Variants in XKR4 observed in about 807,000 individuals in gnomAD.
The protein encoded by XKR4 is XK-related protein 4.
In XKR4, 12 loss-of-function variants were observed where a neutral mutation model predicts 53.9. The ratio of observed to expected loss-of-function variants is 0.22; its 90% CI spans 0.14 to 0.36. The LOEUF (loss-of-function observed/expected upper bound fraction) is 0.36. Among genes scored for constraint, XKR4 ranks in the 10% least tolerant of loss-of-function variants. The probability of loss-of-function intolerance (pLI) is 1.00; values close to 1 mark genes in which losing one functional copy is unlikely to be tolerated. For synonymous variants in XKR4, 354 were observed against 362.4 expected, an observed-to-expected ratio of 0.98 and a Z score of 0.26; for missense variants, 799 against 859.5, an observed-to-expected ratio of 0.93 and a Z score of 0.88.
intron 1 of XKR4, among the ~76,000 whole-genome samples, chr8:55,231,038 C>T (rs1818032577): frequency 6.6e-6 from 1 of 152,294 alleles, no homozygotes; most frequent in African/African-American, 2.4e-5. Flanking sequence ...TGGGCCTTTC[C>T]TTCCTGCTCT....
At chr8:55,519,031 G>T (rs763395747) in intron 2 of XKR4, among the ~76,000 whole-genome samples, 22 of 152,120 alleles carry the variant, frequency 1.4e-4, no homozygotes, top group Non-Finnish European at 2.5e-4. Context: ...AACTGTTAGC[G>T]CCCTTGTTTA....
intron 1 of XKR4, among the ~76,000 whole-genome samples, chr8:55,264,551 A>G (rs1818571977): frequency 1.3e-5 from 2 of 152,202 alleles, no homozygotes; most frequent in Non-Finnish European, 2.9e-5. Context: ...CTCCAGATAA[A>G]CTGGTAAAGT....
chr8:55,510,111 A>G (rs1806604591), intron 2 of XKR4, among the ~76,000 whole-genome samples: 1 of 152,060 alleles, frequency 6.6e-6, no homozygotes, highest in Non-Finnish European at 1.5e-5. Context: ...CAGGGGCAGG[A>G]GAGACACCCA....
At chr8:55,112,746 G>A (rs1374509929) in intron 1 of XKR4, among the ~76,000 whole-genome samples, 1 of 151,632 alleles carries the variant, frequency 6.6e-6, no homozygotes, top group East Asian at 1.9e-4. Context: ...GGCAAGGAAA[G>A]GATTTGTAAA....
At chr8:55,214,430 T>G (rs975828317) in intron 1 of XKR4, among the ~76,000 whole-genome samples, 1 of 152,166 alleles carries the variant, frequency 6.6e-6, no homozygotes, top group Admixed American at 6.5e-5. Context: ...AATTCTTAGC[T>G]CAATACCCTA....
At chr8:55,359,231 G>A (rs1049267670) in intron 2 of XKR4, among the ~76,000 whole-genome samples, 2 of 152,214 alleles carry the variant, frequency 1.3e-5, no homozygotes, top group African/African-American at 4.8e-5. Context: ...TGCGTCTGGT[G>A]GTTGAAGACC....
intron 2 of XKR4, among the ~76,000 whole-genome samples, chr8:55,385,655 T>G (rs1170547507): frequency 6.6e-6 from 1 of 152,242 alleles, no homozygotes. Context: ...AGAAAATTGC[T>G]TTGAAATATC....
chr8:55,463,412 G>T (rs1340275551), intron 2 of XKR4, among the ~76,000 whole-genome samples: 1 of 151,306 alleles, frequency 6.6e-6, no homozygotes, highest in Non-Finnish European at 1.5e-5. Context: ...AAATAAAGAT[G>T]TTCTTTGAAA....
intron 1 of XKR4, among the ~76,000 whole-genome samples, chr8:55,313,504 G>T (rs1819415649): frequency 6.6e-6 from 1 of 152,310 alleles, no homozygotes; most frequent in Admixed American, 6.5e-5. Flanking sequence ...GCGGCAGCAT[G>T]CATGGTCTTT....
intron 1 of XKR4, among the ~76,000 whole-genome samples, chr8:55,127,155 G>C (rs116466721): frequency 0.017 from 2,522 of 151,946 alleles, 62 homozygotes; most frequent in African/African-American, 0.057. Flanking sequence ...ATTCTCGTAT[G>C]AGCCAGCTAA....
intron 2 of XKR4, among the ~76,000 whole-genome samples, chr8:55,459,494 A>G (rs1169863998): frequency 1.3e-5 from 2 of 152,170 alleles, no homozygotes; most frequent in African/African-American, 2.4e-5. Context: ...AAAGAAAACC[A>G]TAGACTGAAA....
intron 2 of XKR4, among the ~76,000 whole-genome samples, chr8:55,410,751 T>C (rs1804765048): frequency 6.6e-6 from 1 of 152,142 alleles, no homozygotes; most frequent in South Asian, 2.1e-4. Context: ...GTAACACAGG[T>C]GTCTCATGAC....
chr8:55,289,679 G>A (rs868425633), intron 1 of XKR4, among the ~76,000 whole-genome samples: 4 of 108,356 alleles, frequency 3.7e-5, no homozygotes, highest in Non-Finnish European at 3.9e-5. Context: ...AAAAGAAAGA[G>A]AAAGAAAGAA....
intron 1 of XKR4, among the ~76,000 whole-genome samples, chr8:55,330,567 T>C (rs1350901127): frequency 1.3e-5 from 2 of 152,206 alleles, no homozygotes; most frequent in African/African-American, 4.8e-5. Flanking sequence ...CTTAATGTCA[T>C]GGATTTGAAG....
At chr8:55,218,097 T>C (rs892593037) in intron 1 of XKR4, among the ~76,000 whole-genome samples, 1 of 152,228 alleles carries the variant, frequency 6.6e-6, no homozygotes, top group Non-Finnish European at 1.5e-5. Context: ...ACAAATGTTA[T>C]CTCATTTACT....
intron 1 of XKR4, among the ~76,000 whole-genome samples, chr8:55,319,244 C>A (rs1018014364): frequency 1.3e-5 from 2 of 152,056 alleles, no homozygotes; most frequent in Non-Finnish European, 2.9e-5. Flanking sequence ...AAAAGTAAAA[C>A]CTAGATCTAC....
At chr8:55,116,302 C>G (rs1816308102) in intron 1 of XKR4, among the ~76,000 whole-genome samples, 1 of 152,070 alleles carries the variant, frequency 6.6e-6, no homozygotes, top group Non-Finnish European at 1.5e-5. Flanking sequence ...ACTGGGACTC[C>G]AGGTGTGAAG....
chr8:55,161,743 C>A, intron 1 of XKR4: 1 of 392,524 alleles, frequency 2.5e-6, no homozygotes, highest in Non-Finnish European at 5.1e-6. Flanking sequence ...CCACTTACTG[C>A]ACATACATTC....
intron 1 of XKR4, among the ~76,000 whole-genome samples, chr8:55,270,212 A>T (rs1179979953): frequency 6.6e-6 from 1 of 152,060 alleles, no homozygotes; most frequent in East Asian, 1.9e-4. Context: ...TACATATTGG[A>T]GTGAATCACC....
Sources: allele counts gnomAD v4.1 joint callset (sites outside exome capture counted in the v4.1 genomes callset), GRCh38; gene constraint gnomAD v4.1.1; transcripts MANE v1.5; gene names NCBI Gene and HGNC (gene_info 2026-07-23, HGNC 2026-07-21).